FABP7: variants seen among roughly 807,000 people sequenced by gnomAD.
The protein encoded by FABP7 is fatty acid binding protein 7.
In FABP7, 13 loss-of-function variants were observed where a neutral mutation model predicts 14.2. That is an observed-to-expected ratio of 0.91 (90% CI 0.59 to 1.45). The LOEUF (loss-of-function observed/expected upper bound fraction) is 1.45, where lower values mean the gene tolerates loss of function less well. FABP7 is among the 40% of genes most tolerant of loss of function. The pLI is 0.00. For synonymous variants in FABP7, 49 were observed against 51.4 expected (o/e 0.95, Z 0.20); for missense variants, 149 against 157.6 (o/e 0.95, Z 0.29).
At chr6:122,758,399 A>G in the FABP7 span, among the ~76,000 whole-genome samples, 10 of 152,204 alleles carry the variant, frequency 6.6e-5, no homozygotes, top group Non-Finnish European at 1.3e-4. Flanking sequence ...AAATGAGACT[A>G]AAAGACTGGG....
chr6:122,760,206 G>A, the FABP7 span, among the ~76,000 whole-genome samples: 7 of 152,176 alleles, frequency 4.6e-5, no homozygotes, highest in African/African-American at 7.2e-5. Flanking sequence ...AGAGTCAGTC[G>A]AGATGGAGAA....
the FABP7 span, among the ~76,000 whole-genome samples, chr6:122,772,256 C>A: frequency 6.6e-6 from 1 of 151,688 alleles, no homozygotes; most frequent in Non-Finnish European, 1.5e-5. Flanking sequence ...AATAATAAAC[C>A]CAAAATATGC....
chr6:122,779,465 C>T (rs1234767162), upstream of FABP7: 1 of 264,050 alleles, frequency 3.8e-6, no homozygotes, highest in Non-Finnish European at 7.2e-6. Flanking sequence ...CCATTGAATC[C>T]CTGCCGAGCT....
chr6:122,775,717 C>CA (rs899583263), upstream of FABP7, among the ~76,000 whole-genome samples: 58 of 148,392 alleles, frequency 3.9e-4, no homozygotes, highest in African/African-American at 1.4e-3. Context: ...AAAAAACAAA[C>CA]AAAAAAATAC....
chr6:122,776,718 C>A (rs1780682022), upstream of FABP7, among the ~76,000 whole-genome samples: 1 of 152,112 alleles, frequency 6.6e-6, no homozygotes, highest in Non-Finnish European at 1.5e-5. Flanking sequence ...TGATAAATAT[C>A]ATAATTACCC....
chr6:122,779,512 G>A (rs2115142134), upstream of FABP7: 2 of 451,096 alleles, frequency 4.4e-6, no homozygotes, highest in Non-Finnish European at 8.1e-6. Flanking sequence ...AGGATTGGGA[G>A]GAACTCGACC....
intron 2 of FABP7, 83 bp from the exon 3 acceptor site, chr6:122,781,010 T>G (rs1002364803): frequency 3.4e-6 from 5 of 1,470,870 alleles, no homozygotes; most frequent in Non-Finnish European, 3.6e-6. Flanking sequence ...ATTATACAAC[T>G]CTTTCAAAAA....
the FABP7 span, among the ~76,000 whole-genome samples, chr6:122,763,358 C>G: frequency 1.1e-4 from 16 of 152,106 alleles, no homozygotes; most frequent in Non-Finnish European, 2.2e-4. Context: ...GAAACTGGAT[C>G]CCTTCCTTAC....
the FABP7 span, among the ~76,000 whole-genome samples, chr6:122,760,542 T>C: frequency 2.6e-5 from 4 of 152,142 alleles, no homozygotes; most frequent in East Asian, 7.7e-4. Context: ...TCTTTGTTTT[T>C]TTTTTCCTTC....
At chr6:122,757,357 G>A in the FABP7 span, among the ~76,000 whole-genome samples, 12 of 151,940 alleles carry the variant, frequency 7.9e-5, no homozygotes, top group African/African-American at 2.9e-4. Flanking sequence ...AGCATCAGAT[G>A]CACTGGGGCT....
At chr6:122,773,279 A>G in the FABP7 span, among the ~76,000 whole-genome samples, 1 of 152,188 alleles carries the variant, frequency 6.6e-6, no homozygotes, top group Non-Finnish European at 1.5e-5. Context: ...TAAGTGGCTG[A>G]TATGATCTAA....
At chr6:122,771,663 T>C in the FABP7 span, among the ~76,000 whole-genome samples, 1 of 152,220 alleles carries the variant, frequency 6.6e-6, no homozygotes, top group African/African-American at 2.4e-5. Context: ...AACTATTCTG[T>C]GTGCTTTCAT....
chr6:122,759,581 T>C, the FABP7 span, among the ~76,000 whole-genome samples: 2 of 152,232 alleles, frequency 1.3e-5, no homozygotes, highest in African/African-American at 2.4e-5. Context: ...TTATTTGTAG[T>C]AACTCATTTA....
chr6:122,759,478 G>T, the FABP7 span, among the ~76,000 whole-genome samples: 2 of 151,946 alleles, frequency 1.3e-5, no homozygotes, highest in Non-Finnish European at 2.9e-5. Context: ...ATCATTACAA[G>T]CATCCAATCT....
the FABP7 span, among the ~76,000 whole-genome samples, chr6:122,761,940 C>T: frequency 6.6e-6 from 1 of 152,172 alleles, no homozygotes; most frequent in African/African-American, 2.4e-5. Flanking sequence ...GACGGATTCA[C>T]AGCCAAATTC....
At chr6:122,764,863 T>A in the FABP7 span, among the ~76,000 whole-genome samples, 1 of 152,292 alleles carries the variant, frequency 6.6e-6, no homozygotes, top group South Asian at 2.1e-4. Context: ...CAAAACTTGA[T>A]CTTGTCTCAA....
chr6:122,765,340 G>C, the FABP7 span, among the ~76,000 whole-genome samples: 3 of 152,114 alleles, frequency 2.0e-5, no homozygotes, highest in Admixed American at 6.5e-5. Context: ...AACCAAATCA[G>C]CTGGCATGGC....
chr6:122,759,409 T>C, the FABP7 span, among the ~76,000 whole-genome samples: 1 of 152,238 alleles, frequency 6.6e-6, no homozygotes, highest in African/African-American at 2.4e-5. Flanking sequence ...GGGCTATTTT[T>C]CTTCCTTCTT....
At chr6:122,777,180 A>T (rs1250825050), upstream of FABP7, among the ~76,000 whole-genome samples, 2 of 152,224 alleles carry the variant, frequency 1.3e-5, no homozygotes, top group Non-Finnish European at 2.9e-5. Context: ...GATTTATTAT[A>T]TTTTAGAAAA....
Sources: gnomAD v4.1 joint callset for allele counts (sites outside exome capture counted in the v4.1 genomes callset) on GRCh38, gnomAD v4.1.1 for gene constraint, MANE v1.5 for transcripts, NCBI Gene and HGNC (gene_info 2026-07-23, HGNC 2026-07-21) for gene names.